TMCO5A: variants seen among roughly 807,000 people sequenced by gnomAD.
TMCO5A encodes the protein transmembrane and coiled-coil domains 5A, also known as transmembrane and coiled-coil domain-containing protein 5A.
In TMCO5A, 34 loss-of-function variants were observed where a neutral mutation model predicts 42.3. The ratio of observed to expected loss-of-function variants is 0.80; its 90% CI spans 0.61 to 1.07. TMCO5A has a LOEUF of 1.07. Among genes scored for constraint, TMCO5A ranks in the 50% least tolerant of loss-of-function variants. The probability of loss-of-function intolerance (pLI) is 0.00; values close to 1 mark genes in which losing one functional copy is unlikely to be tolerated. For missense variants in TMCO5A, 357 were observed against 327.9 expected, an observed-to-expected ratio of 1.09 and a Z score of -0.69; for synonymous variants, 131 against 115.6, an observed-to-expected ratio of 1.13 and a Z score of -0.86.
the TMCO5A span, among the ~76,000 whole-genome samples, chr15:38,006,470 G>A: frequency 0.028 from 4,224 of 152,256 alleles, 92 homozygotes; most frequent in Non-Finnish European, 0.045. Flanking sequence ...CAGGGGATAC[G>A]TAAACAACTT....
chr15:38,013,586 A>G, the TMCO5A span, among the ~76,000 whole-genome samples: 1,688 of 152,312 alleles, frequency 0.011, 24 homozygotes, highest in African/African-American at 0.037. Flanking sequence ...CTTCTTAAAC[A>G]GATGATTCCC....
At chr15:38,013,594 C>T in the TMCO5A span, among the ~76,000 whole-genome samples, 1 of 152,144 alleles carries the variant, frequency 6.6e-6, no homozygotes, top group South Asian at 2.1e-4. Context: ...ACAGATGATT[C>T]CCTGCATGTC....
chr15:37,975,916 A>C, the TMCO5A span, among the ~76,000 whole-genome samples: 1 of 151,094 alleles, frequency 6.6e-6, no homozygotes, highest in Non-Finnish European at 1.5e-5. Flanking sequence ...AAGACAGTCT[A>C]CGGGTAAGAA....
In TMCO5A at chr15:37,943,033, G is replaced by A. The variant is rs552446492; in HGVS notation, c.570-308G>A. On this transcript the variant is annotated intron_variant, in intron 9 of 11. Transcript: ENST00000319669. ...TAAAGGACACCTTCAAGTCACTCAA[G>A]ATCCCTGCTGAACATTGGTTTATGG... is the stretch of plus-strand genomic sequence containing the variant. The A allele has an allele frequency of 1.8e-3, 446 of 242,990 alleles. 1 individual carries two copies. Among genetic ancestry groups the A allele is most frequent in the African/African-American group, 6.4e-3 (280 of 43,826 alleles). 15.1% of individuals were successfully genotyped at this position (242,990 alleles called of 1,614,324 possible). A position where few individuals can be genotyped will look rare whatever the true frequency, so the allele number is the denominator to read the frequency against.
chr15:37,945,232 T>C (rs1889903577), intron 10 of TMCO5A, among the ~76,000 whole-genome samples: 1 of 152,156 alleles, frequency 6.6e-6, no homozygotes, highest in Admixed American at 6.6e-5. Flanking sequence ...CCGCATAGTA[T>C]TCCATGATGT....
intron 10 of TMCO5A, 197 bp downstream of exon 10, chr15:37,943,595 T>C: frequency 3.6e-6 from 2 of 548,690 alleles, no homozygotes; most frequent in East Asian, 3.0e-5. Context: ...TTTCTTCTCA[T>C]TCAGCCATAC....
chr15:37,968,582 C>CTT (rs61091144), downstream of TMCO5A, among the ~76,000 whole-genome samples: 48 of 131,124 alleles, frequency 3.7e-4, 2 homozygotes, highest in East Asian at 1.3e-3. Flanking sequence ...TTCTACATTT[C>CTT]TTTTTTTTTT....
At chr15:37,980,667 A>G in the TMCO5A span, among the ~76,000 whole-genome samples, 1 of 142,284 alleles carries the variant, frequency 7.0e-6, no homozygotes, top group African/African-American at 2.6e-5. Context: ...AAAAAAATCT[A>G]GTGTCTTTCT....
At chr15:38,016,768 T>G in the TMCO5A span, among the ~76,000 whole-genome samples, 77 of 152,234 alleles carry the variant, frequency 5.1e-4, no homozygotes, top group Non-Finnish European at 1.0e-3. Context: ...TTCTGACCAC[T>G]GTGTCCTCTG....
At chr15:38,011,360 A>G in the TMCO5A span, among the ~76,000 whole-genome samples, 1 of 152,206 alleles carries the variant, frequency 6.6e-6, no homozygotes, top group African/African-American at 2.4e-5. Flanking sequence ...CTTACAACAC[A>G]GCAGCTGACT....
the TMCO5A span, among the ~76,000 whole-genome samples, chr15:38,009,933 C>T: frequency 1.3e-5 from 2 of 152,166 alleles, no homozygotes; most frequent in Admixed American, 6.6e-5. Context: ...AAAAATTATT[C>T]ATGTTCTAAC....
At chr15:37,997,418 T>C in the TMCO5A span, among the ~76,000 whole-genome samples, 2 of 152,226 alleles carry the variant, frequency 1.3e-5, no homozygotes, top group African/African-American at 2.4e-5. Context: ...TTTTTTCCCA[T>C]AAGTTCAATT....
chr15:37,951,091 A>C lies in TMCO5A; in HGVS notation c.724A>C (p.Met242Leu). ...TLFFIRLLSYMFFHVRFINPD... is the reference protein window; with the variant it reads ...TLFFIRLLSYLFFHVRFINPD... ...ATTTTTCATCAGACTGCTGAGCTAC[A>C]TGTTTTTTCATGTAAGATTCATAAA... Residue 242 changes from methionine (M) to leucine (L), a missense_variant, in exon 12 of 12, where the codon ATG (methionine) becomes CTG (leucine). Physicochemically the swap from Met to Leu is conservative, Grantham distance 15. Transcript: ENST00000319669. 1 of 1,613,244 alleles carries C rather than the reference A, an allele frequency of 6.2e-7. No individual in the cohort carries two copies. Among genetic ancestry groups the C allele is most frequent in the South Asian group, 1.1e-5 (1 of 91,044 alleles).
chr15:37,968,140 T>C (rs978992265), downstream of TMCO5A, among the ~76,000 whole-genome samples: 6 of 152,172 alleles, frequency 3.9e-5, no homozygotes, highest in Non-Finnish European at 8.8e-5. Context: ...ATGCTTAGAA[T>C]CTCAGTGCCA....
At chr15:38,002,983 T>G in the TMCO5A span, among the ~76,000 whole-genome samples, 1 of 152,172 alleles carries the variant, frequency 6.6e-6, no homozygotes, top group Non-Finnish European at 1.5e-5. Flanking sequence ...AGCTTGTTTG[T>G]GCCCATCCTT....
At chr15:37,975,312 A>G in the TMCO5A span, among the ~76,000 whole-genome samples, 2,020 of 151,996 alleles carry the variant, frequency 0.013, 45 homozygotes, top group African/African-American at 0.046. Context: ...TTCTGCCTCA[A>G]TTATCTAATA....
downstream of TMCO5A, chr15:37,951,458 G>A (rs1890157044): frequency 2.1e-6 from 1 of 474,090 alleles, no homozygotes; most frequent in East Asian, 3.3e-5. Context: ...AATAGTACTT[G>A]ATAGTAAACA....
At chr15:38,035,981 C>T in the TMCO5A span, among the ~76,000 whole-genome samples, 5 of 152,186 alleles carry the variant, frequency 3.3e-5, no homozygotes, top group Non-Finnish European at 7.3e-5. Flanking sequence ...AGCTAAACTT[C>T]TATCTTCTCC....
the TMCO5A span, among the ~76,000 whole-genome samples, chr15:37,987,742 G>A: frequency 2.6e-5 from 4 of 151,966 alleles, no homozygotes; most frequent in African/African-American, 9.7e-5. Context: ...CTTTATGCCA[G>A]CACCACTCTG....
Sources: gnomAD v4.1 joint callset for allele counts (sites outside exome capture counted in the v4.1 genomes callset) on GRCh38, gnomAD v4.1.1 for gene constraint, MANE v1.5 for transcripts, NCBI Gene and HGNC (gene_info 2026-07-23, HGNC 2026-07-21) for gene names.